Variants in FAM107B observed in about 807,000 individuals in gnomAD.
FAM107B encodes the protein protein FAM107B.
A neutral mutation model predicts 31.5 loss-of-function variants in FAM107B; 21 were observed. The ratio of observed to expected loss-of-function variants is 0.67; its 90% CI spans 0.47 to 0.96. The LOEUF (loss-of-function observed/expected upper bound fraction) is 0.96. Among genes scored for constraint, FAM107B ranks in the 40% least tolerant of loss-of-function variants. The pLI is 0.00. For missense variants in FAM107B, 452 were observed against 377.1 expected (o/e 1.20, Z -1.64); for synonymous variants, 157 against 141.5 (o/e 1.11, Z -0.78).
At chr10:14,765,825 G>A (rs557368016) in intron 1 of FAM107B, among the ~76,000 whole-genome samples, 1 of 152,310 alleles carries the variant, frequency 6.6e-6, no homozygotes, top group African/African-American at 2.4e-5. Flanking sequence ...GAAAGGTAGG[G>A]AAGGTTTCAT....
intron 1 of FAM107B, among the ~76,000 whole-genome samples, chr10:14,676,712 A>G (rs1193919512): frequency 6.6e-6 from 1 of 152,234 alleles, no homozygotes; most frequent in African/African-American, 2.4e-5. Context: ...GAGAAACTGC[A>G]CTGTATGTGT....
intron 1 of FAM107B, among the ~76,000 whole-genome samples, chr10:14,742,782 C>CT (rs1055793444): frequency 2.2e-4 from 33 of 152,126 alleles, no homozygotes; most frequent in Admixed American, 2.2e-3. Context: ...CTTGTTTCTT[C>CT]TTTTTCATAA....
At chr10:14,742,703 T>G (rs1393861131) in intron 1 of FAM107B, among the ~76,000 whole-genome samples, 1 of 152,216 alleles carries the variant, frequency 6.6e-6, no homozygotes, top group East Asian at 1.9e-4. Context: ...GGAGAGGTAG[T>G]AATGGCCATA....
intron 1 of FAM107B, among the ~76,000 whole-genome samples, chr10:14,703,783 C>A (rs1855458507): frequency 6.6e-6 from 1 of 152,192 alleles, no homozygotes; most frequent in African/African-American, 2.4e-5. Flanking sequence ...CCAGTTTTCA[C>A]ACTTACATCA....
chr10:14,597,309 T>G (rs1004620832), intron 2 of FAM107B, among the ~76,000 whole-genome samples: 5 of 152,024 alleles, frequency 3.3e-5, no homozygotes, highest in Non-Finnish European at 7.4e-5. Context: ...TGTAAACTCA[T>G]TAGCATTCAC....
chr10:14,538,082 G>A (rs538236205), intron 2 of FAM107B, among the ~76,000 whole-genome samples: 6 of 152,106 alleles, frequency 3.9e-5, no homozygotes, highest in Non-Finnish European at 7.4e-5. Context: ...ATGGATGGAC[G>A]AACCAGATTT....
chr10:14,737,068 G>A (rs1006620215), intron 1 of FAM107B, among the ~76,000 whole-genome samples: 1 of 152,082 alleles, frequency 6.6e-6, no homozygotes, highest in Non-Finnish European at 1.5e-5. Context: ...GAGAAATGAA[G>A]GAAGCAAAAA....
chr10:14,772,399 G>C (rs995311254), intron 1 of FAM107B, among the ~76,000 whole-genome samples: 3 of 150,344 alleles, frequency 2.0e-5, no homozygotes, highest in African/African-American at 7.4e-5. Flanking sequence ...CTGTCACCAG[G>C]GTTGGCTGAG....
chr10:14,548,582 C>T, intron 2 of FAM107B: 4 of 985,424 alleles, frequency 4.1e-6, no homozygotes, highest in South Asian at 9.4e-5. Context: ...GCCCCAGATA[C>T]ACATGGGAAG....
At chr10:14,576,844 G>T (rs1173650666) in intron 2 of FAM107B, among the ~76,000 whole-genome samples, 11 of 152,194 alleles carry the variant, frequency 7.2e-5, no homozygotes, top group Non-Finnish European at 1.5e-5. Flanking sequence ...GAACAGAAAT[G>T]ATTAGATCCC....
At chr10:14,750,003 G>A (rs1006375838) in intron 1 of FAM107B, among the ~76,000 whole-genome samples, 1 of 152,196 alleles carries the variant, frequency 6.6e-6, no homozygotes, top group Non-Finnish European at 1.5e-5. Flanking sequence ...GCGAGGGGGT[G>A]GGGCCTAAGG....
intron 2 of FAM107B, among the ~76,000 whole-genome samples, chr10:14,619,062 G>A (rs1852927146): frequency 6.6e-6 from 1 of 152,084 alleles, no homozygotes; most frequent in Admixed American, 6.5e-5. Context: ...GAAGACATGA[G>A]GAAGGAAACT....
At chr10:14,591,926 A>C (rs1025885389) in intron 2 of FAM107B, among the ~76,000 whole-genome samples, 5 of 152,068 alleles carry the variant, frequency 3.3e-5, no homozygotes, top group Admixed American at 6.5e-5. Context: ...GATTCCTTCA[A>C]CAAGTCAATA....
chr10:14,687,234 C>T (rs936276297), intron 1 of FAM107B, among the ~76,000 whole-genome samples: 6 of 152,180 alleles, frequency 3.9e-5, no homozygotes, highest in African/African-American at 1.4e-4. Context: ...ATTACATGAA[C>T]CTGACCAAAT....
intron 2 of FAM107B, among the ~76,000 whole-genome samples, chr10:14,659,942 A>C (rs1175027025): frequency 1.3e-5 from 2 of 152,206 alleles, no homozygotes; most frequent in Non-Finnish European, 2.9e-5. Flanking sequence ...TTAGGTAAAG[A>C]ATTTTAACTG....
At chr10:14,552,925 C>T (rs1849389127) in intron 2 of FAM107B, among the ~76,000 whole-genome samples, 1 of 152,310 alleles carries the variant, frequency 6.6e-6, no homozygotes, top group Non-Finnish European at 1.5e-5. Flanking sequence ...GAAAATCCTG[C>T]CCTAATTCAC....
At chr10:14,538,893 T>G (rs992495902) in intron 2 of FAM107B, among the ~76,000 whole-genome samples, 7 of 152,246 alleles carry the variant, frequency 4.6e-5, no homozygotes, top group Non-Finnish European at 1.0e-4. Context: ...CATCAATTAT[T>G]GATTTTATAA....
Position 14,746,334 on chromosome 10 carries a change from A to T in FAM107B, c.411+27919T>A, listed in dbSNP as rs982858080. On this transcript the variant is annotated intron_variant, in intron 1 of 4. Coordinates refer to ENST00000181796, the MANE Select transcript of FAM107B (RefSeq NM_031453.4). ...TTGTATGTGTGGATTTGACCCTGTCATCATCATGCTAGCTGGTTATTTTGC... is the reference window on the plus strand; with the variant it reads ...TTGTATGTGTGGATTTGACCCTGTCTTCATCATGCTAGCTGGTTATTTTGC... Among the ~76,000 whole-genome samples the T allele has an allele frequency of 2.6e-5, 4 of 152,176 alleles. No individual in the cohort carries two copies. In the South Asian group the frequency reaches 6.2e-4, roughly 24 times the overall value.
chr10:14,772,080 G>A (rs1833316460), intron 1 of FAM107B, among the ~76,000 whole-genome samples: 1 of 152,168 alleles, frequency 6.6e-6, no homozygotes, highest in Non-Finnish European at 1.5e-5. Context: ...CACTGGCCGG[G>A]CATGGTGGCT....
Sources: gnomAD v4.1 joint callset for allele counts (sites outside exome capture counted in the v4.1 genomes callset) on GRCh38, gnomAD v4.1.1 for gene constraint, MANE v1.5 for transcripts, NCBI Gene and HGNC (gene_info 2026-07-23, HGNC 2026-07-21) for gene names.